The following IL31 variants were observed in gnomAD, a reference collection of about 807,000 sequenced individuals.
IL31 encodes interleukin 31, also known as interleukin-31.
In IL31, 8 loss-of-function variants were observed where a neutral mutation model predicts 7.8. That is an observed-to-expected ratio of 1.02 (90% CI 0.60 to 1.84). The LOEUF is 1.84. Among genes scored for constraint, IL31 ranks in the 40% most tolerant of loss-of-function variants. IL31 has a pLI of 0.00. For synonymous variants in IL31, 87 were observed against 86.5 expected (o/e 1.01, Z -0.03); for missense variants, 162 against 205.6 (o/e 0.79, Z 1.30).
At chr12:122,173,742 G>T in intron 2 of IL31, 102 bp downstream of exon 2, 1 of 1,008,932 alleles carries the variant, frequency 9.9e-7, no homozygotes, top group Non-Finnish European at 1.5e-6. Flanking sequence ...TCCTGGCATA[G>T]CTACAGCCCT....
chr12:122,172,702 T>G lies in IL31; in HGVS notation c.205A>C (p.Thr69Pro), dbSNP rs1593138833. ...GCGTCAGGGCTGAGACACGGCAGCG[T>G]GTAATTCTGGGACACGAGCACGCCC... ...EKGVLVSQNYTLPCLSPDAQP... is the reference protein window; with the variant it reads ...EKGVLVSQNYPLPCLSPDAQP... Residue 69 changes from threonine (T) to proline (P), a missense_variant, in exon 3 of 3, where the codon ACG becomes CCG. Coordinates refer to ENST00000377035, the MANE Select transcript of IL31 (RefSeq NM_001014336.2). 6.2e-7 allele frequency: 1 copy of G among 1,613,868 alleles called. No homozygotes were observed. The highest frequency in any genetic ancestry group is 8.5e-7 in the Non-Finnish European group (1 of 1,179,946).
chr12:122,172,525 T>C lies in IL31; in HGVS notation c.382A>G (p.Thr128Ala), dbSNP rs369925968. ...DAPETNISVP[T>A]DTHECKRFIL... The stretch of plus-strand genomic sequence containing the variant: ...AAGCGTTTACATTCATGGGTGTCTG[T>C]TGGCACAGAAATGTTTGTTTCTGGT... Residue 128 changes from threonine to alanine, a missense_variant, in exon 3 of 3, where the codon ACA becomes GCA. Transcript: ENST00000377035. 3.5e-5 allele frequency: 56 copies of C among 1,614,078 alleles called. No homozygotes were observed. Among genetic ancestry groups the C allele is most frequent in the Non-Finnish European group, 4.7e-5 (55 of 1,180,018 alleles).
chr12:122,174,103 C>T, intron 1 of IL31, 54 bp downstream of exon 1: 1 of 1,613,974 alleles, frequency 6.2e-7, no homozygotes, highest in South Asian at 1.1e-5. Flanking sequence ...CCAGAATCTT[C>T]CTGGTGAGAT....
Position 122,172,503 on chromosome 12 carries a change from C to T in IL31, c.404G>A (p.Arg135His), listed in dbSNP as rs564145746. Residue 135 changes from arginine (R) to histidine (H), a missense_variant, in exon 3 of 3, where the codon CGC (arginine) becomes CAC (histidine). Transcript: ENST00000377035. ...CTGTTGAGAAATAGTCAGGATGAAG[C>T]GTTTACATTCATGGGTGTCTGTTGG... ...SVPTDTHECK[R>H]FILTISQQFS... is the part of the protein sequence containing the mutation. The T allele has an allele frequency of 1.6e-5, 26 of 1,614,068 alleles. No individual in the cohort carries two copies. Among genetic ancestry groups the T allele is most frequent in the East Asian group, 8.9e-5 (4 of 44,884 alleles).
chr12:122,174,076 C>G (rs1953514981), intron 1 of IL31, 81 bp downstream of exon 1: 2 of 1,613,706 alleles, frequency 1.2e-6, no homozygotes, highest in Admixed American at 3.3e-5. Context: ...GCTGAGCCAA[C>G]CCTGGGGGTA....
At position 122,173,736 on chromosome 12, in the gene IL31, G is replaced by A. The variant is rs774665162; in HGVS notation, c.165+108C>T. ...TGTCTAGTTTCCCCCATCCCTTCCT[G>A]GCATAGCTACAGCCCTGGTTTCAGG... On this transcript the variant is annotated intron_variant, in intron 2 of 2. Coordinates refer to ENST00000377035, the MANE Select transcript of IL31 (RefSeq NM_001014336.2). 18 of 944,542 alleles carry A rather than the reference G, an allele frequency of 1.9e-5. No individual in the cohort carries two copies. The East Asian group carries it at 1.9e-4, about 10-fold the overall frequency. 58.5% of individuals were successfully genotyped at this position (944,542 alleles called of 1,614,324 possible). A position where few individuals can be genotyped will look rare whatever the true frequency, so the allele number is the denominator to read the frequency against.
rs529276003 is a variant in IL31 at position 122,172,294 on chromosome 12, T to C, written c.*118A>G. On this transcript the variant is annotated 3_prime_UTR_variant, in exon 3 of 3. Coordinates refer to ENST00000377035, the MANE Select transcript of IL31 (RefSeq NM_001014336.2). Reference sequence around the variant, plus strand: ...GGGACTAGCCCATATGAGGGGTCCCTGAGATTATTCATTGGAAAAATGTAC... The same window carrying C: ...GGGACTAGCCCATATGAGGGGTCCCCGAGATTATTCATTGGAAAAATGTAC... 1.1e-5 allele frequency: 8 copies of C among 744,492 alleles called. No homozygotes were observed. Among genetic ancestry groups the C allele is most frequent in the African/African-American group, 8.8e-5 (5 of 56,834 alleles). The allele number at this position is 744,492 out of a possible 1,614,324, so 46.1% of individuals were successfully genotyped here.
In IL31 at chr12:122,172,574, G is replaced by A. The variant is rs150030730; in HGVS notation, c.333C>T (p.Leu111=). Residue 111 remains leucine, a synonymous_variant, in exon 3 of 3, where the codon CTC becomes CTT. Transcript: ENST00000377035. ...GTGCATCTTGAAATATGAGTTTGTC[G>A]AGGTGCTCTATGATCTCATCAATAA... ...KSVIDEIIEH[L]DKLIFQDAPE... is the part of the protein sequence containing the mutation. The A allele has an allele frequency of 7.4e-5, 119 of 1,614,008 alleles. No homozygotes were observed. Among genetic ancestry groups the A allele is most frequent in the Non-Finnish European group, 9.4e-5 (111 of 1,180,028 alleles).
In IL31 at chr12:122,172,973, G is replaced by C. The variant is rs756979541; in HGVS notation, c.166-232C>G. 4.6e-5 allele frequency among the ~76,000 whole-genome samples: 7 copies of C among 152,116 alleles called. No homozygotes were observed. The East Asian group carries it at 1.3e-3, about 29-fold the overall frequency. On this transcript the variant is annotated intron_variant, in intron 2 of 2. Coordinates refer to ENST00000377035, the MANE Select transcript of IL31 (RefSeq NM_001014336.2). ...AGAACCACTGATCCATCCAGCTGAG[G>C]CCTCCCAGCCTTCCAGAACCCACTC...
intron 2 of IL31, 68 bp downstream of exon 2, chr12:122,173,776 C>G (rs996004090): frequency 1.4e-6 from 2 of 1,405,156 alleles, no homozygotes; most frequent in African/African-American, 1.4e-5. Context: ...GAGAGAGGAG[C>G]CTCTTTGGAG....
intron 2 of IL31, 26 bp downstream of exon 2, chr12:122,173,818 A>G (rs781360722): frequency 6.2e-7 from 1 of 1,603,706 alleles, no homozygotes; most frequent in East Asian, 2.2e-5. Flanking sequence ...GAAATCGTTT[A>G]GAAAAGAAAT....
In IL31 at chr12:122,173,940, G is replaced by C. The variant is rs1418469995; in HGVS notation, c.69C>G (p.Ala23=). ...GTAAACGGACGGGCAACGTGTGGGA[G>C]GCCAGCCAGCCTCCCAGGCAGCAGA... The part of the protein sequence containing the change: ...FLFCCLGGWL[A]SHTLPVRLLR... Residue 23 remains alanine, a synonymous_variant, in exon 2 of 3, where the codon GCC becomes GCG. Transcript: ENST00000377035. 1 of 1,614,154 alleles carries C rather than the reference G, an allele frequency of 6.2e-7. No homozygotes were observed. Among genetic ancestry groups the C allele is most frequent in the East Asian group, 2.2e-5 (1 of 44,880 alleles).
intron 2 of IL31, 26 bp downstream of exon 2, chr12:122,173,818 A>T (rs781360722): frequency 6.2e-7 from 1 of 1,603,704 alleles, no homozygotes; most frequent in Admixed American, 1.7e-5. Context: ...GAAATCGTTT[A>T]GAAAAGAAAT....
chr12:122,173,801 T>C (rs199669730), intron 2 of IL31, 43 bp downstream of exon 2: 1 of 1,583,146 alleles, frequency 6.3e-7, no homozygotes, highest in Non-Finnish European at 8.6e-7. Context: ...ATGGAAGGCA[T>C]TTTTAAGAAA....
chr12:122,172,509 C>A lies in IL31; in HGVS notation c.398G>T (p.Cys133Phe). 1 of 1,614,120 alleles carries A rather than the reference C, an allele frequency of 6.2e-7. No homozygotes were observed. The highest frequency in any genetic ancestry group is 8.5e-7 in the Non-Finnish European group (1 of 1,179,968). Residue 133 changes from cysteine to phenylalanine, a missense_variant, in exon 3 of 3, where the codon TGT (cysteine) becomes TTT (phenylalanine). Cys to Phe is a radical substitution (Grantham distance 205). Coordinates refer to ENST00000377035, the MANE Select transcript of IL31 (RefSeq NM_001014336.2). ...AGAAATAGTCAGGATGAAGCGTTTACATTCATGGGTGTCTGTTGGCACAGA... is the reference window on the plus strand; with the variant it reads ...AGAAATAGTCAGGATGAAGCGTTTAAATTCATGGGTGTCTGTTGGCACAGA... ...NISVPTDTHE[C>F]KRFILTISQQ...
Position 122,172,453 on chromosome 12 carries a change from G to T in IL31, c.454C>A (p.Leu152Ile), listed in dbSNP as rs983676068. ...QQFSECMDLA[L>I]KSLTSGAQQA... ...TGGGCTCCAGAGGTCAATGATTTTA[G>T]TGCGAGGTCCATGCACTCTGAAAAC... is the stretch of plus-strand genomic sequence containing the variant. Residue 152 changes from leucine (L) to isoleucine (I), a missense_variant, in exon 3 of 3, where the codon CTA (leucine) becomes ATA (isoleucine). Leu to Ile is a conservative substitution (Grantham distance 5). Transcript: ENST00000377035. 1.9e-6 allele frequency: 3 copies of T among 1,614,046 alleles called. No individual in the cohort carries two copies. The African/African-American group carries it at 4.0e-5, about 22-fold the overall frequency.
intron 2 of IL31, among the ~76,000 whole-genome samples, chr12:122,173,583 C>T (rs949803181): frequency 4.0e-5 from 6 of 151,842 alleles, no homozygotes; most frequent in African/African-American, 1.5e-4. Flanking sequence ...ACTCGGGAGG[C>T]TGAGGCAGGA....
rs148001008 is a variant in IL31, at chr12:122,172,994, C to T, written c.166-253G>A. ...TGAGGCCTCCCAGCCTTCCAGAACCCACTCTCACGTGCTCAGGGTGGTGGG... is the reference window on the plus strand; with the variant it reads ...TGAGGCCTCCCAGCCTTCCAGAACCTACTCTCACGTGCTCAGGGTGGTGGG... On this transcript the variant is annotated intron_variant, in intron 2 of 2. Coordinates refer to ENST00000377035, the MANE Select transcript of IL31 (RefSeq NM_001014336.2). 1.9e-3 allele frequency among the ~76,000 whole-genome samples: 283 copies of T among 152,328 alleles called. 1 individual carries two copies. The highest frequency in any genetic ancestry group is 6.3e-3 in the African/African-American group (264 of 41,584).
intron 1 of IL31, 31 bp from the exon 2 acceptor site, chr12:122,174,023 C>T (rs748829375): frequency 1.9e-6 from 3 of 1,613,226 alleles, no homozygotes; most frequent in East Asian, 4.5e-5. Context: ...TGAGCGCATA[C>T]ATCACACACC....
Sources: allele counts gnomAD v4.1 joint callset (sites outside exome capture counted in the v4.1 genomes callset), GRCh38; gene constraint gnomAD v4.1.1; transcripts MANE v1.5; gene names NCBI Gene and HGNC (gene_info 2026-07-23, HGNC 2026-07-21).